TBCD: variants seen among roughly 807,000 people sequenced by gnomAD.
The protein encoded by TBCD is tubulin folding cofactor D.
TBCD carries 105 observed loss-of-function variants against 169.3 expected under a neutral mutation model. The ratio of observed to expected loss-of-function variants is 0.62; its 90% CI spans 0.53 to 0.73. The LOEUF (loss-of-function observed/expected upper bound fraction) is 0.73. TBCD is among the 30% of genes least tolerant of loss of function. TBCD has a pLI of 0.00. For missense variants in TBCD, 1,444 were observed against 1,600.1 expected (o/e 0.90, Z 1.66); for synonymous variants, 700 against 643.9 (o/e 1.09, Z -1.32).
chr17:82,878,619 C>T (rs956041435), intron 14 of TBCD, among the ~76,000 whole-genome samples: 6 of 152,234 alleles, frequency 3.9e-5, no homozygotes, highest in African/African-American at 1.4e-4. Flanking sequence ...GACCTTGATC[C>T]CTGGTCAAGA....
At chr17:82,899,234 C>T (rs572593185) in intron 17 of TBCD, among the ~76,000 whole-genome samples, 11 of 148,632 alleles carry the variant, frequency 7.4e-5, no homozygotes, top group African/African-American at 2.8e-4. Context: ...GTCCTCAGCG[C>T]ATGTCCTCAG....
chr17:82,874,358 C>T lies in TBCD; in HGVS notation c.1475+3978C>T, dbSNP rs2057814432. ...CGGCATGTGGCGGGGCCAGCGTTGG[C>T]CTGGGTCCCACTTGGCTTTGATCTC... is the stretch of plus-strand genomic sequence containing the variant. On this transcript the variant is annotated intron_variant, in intron 14 of 38. Transcript: ENST00000355528. The surrounding 1 kb of genome is among the most constrained non-coding windows in gnomAD (Gnocchi z 5.0). Among the ~76,000 whole-genome samples, 1 of 151,968 alleles carries T rather than the reference C, an allele frequency of 6.6e-6. No individual in the cohort carries two copies. Among genetic ancestry groups the T allele is most frequent in the Admixed American group, 6.6e-5 (1 of 15,260 alleles).
chr17:82,796,504 G>A (rs1299271143), intron 7 of TBCD, among the ~76,000 whole-genome samples: 3 of 152,356 alleles, frequency 2.0e-5, no homozygotes, highest in East Asian at 3.9e-4. Flanking sequence ...TCACCTTGGT[G>A]AATGTGTTAT....
chr17:82,797,352 G>A (rs981797998), intron 7 of TBCD, among the ~76,000 whole-genome samples: 5 of 152,188 alleles, frequency 3.3e-5, no homozygotes, highest in Non-Finnish European at 7.3e-5. Flanking sequence ...TTTGTGTGAG[G>A]TGGTTTGGCC....
At chr17:82,837,569 GTC>G (rs1184951292) in intron 13 of TBCD, among the ~76,000 whole-genome samples, 1 of 152,178 alleles carries the variant, frequency 6.6e-6, no homozygotes, top group Non-Finnish European at 1.5e-5. Context: ...ATAAAGCAGA[GTC>G]TCATTCATTA....
At chr17:82,761,459 G>A (rs766089522) in intron 2 of TBCD, among the ~76,000 whole-genome samples, 5 of 152,006 alleles carry the variant, frequency 3.3e-5, no homozygotes, top group South Asian at 2.1e-4. Context: ...TATACACCCC[G>A]CGCTATCAAG....
intron 1 of TBCD, among the ~76,000 whole-genome samples, chr17:82,755,835 C>T (rs1598365856): frequency 6.6e-6 from 1 of 152,202 alleles, no homozygotes; most frequent in African/African-American, 2.4e-5. Context: ...TAACGGCTGG[C>T]AGAGGCAGGA....
At chr17:82,921,616 G>C (rs76483328) in intron 25 of TBCD, 39 bp downstream of exon 25, 1 of 1,591,538 alleles carries the variant, frequency 6.3e-7, no homozygotes, top group Non-Finnish European at 8.6e-7. Context: ...GCGCTGTGGC[G>C]GTGTTAGTGT....
In TBCD at chr17:82,879,712, C is replaced by T. The variant is rs577460101; in HGVS notation, c.1476-4433C>T. 5.3e-5 allele frequency among the ~76,000 whole-genome samples: 8 copies of T among 152,360 alleles called. No homozygotes were observed. In the East Asian group the frequency reaches 1.5e-3, roughly 29 times the overall value. On this transcript the variant is annotated intron_variant, in intron 14 of 38. Transcript: ENST00000355528. ...TCAAGCACCAAACAGGACAGTCCGT[C>T]TCCCCCAAAAACTCCCCAGTCTGCT...
chr17:82,928,642 C>G (rs1469370831), intron 30 of TBCD, among the ~76,000 whole-genome samples: 1 of 152,168 alleles, frequency 6.6e-6, no homozygotes, highest in Non-Finnish European at 1.5e-5. Context: ...GTCTCTCTGT[C>G]AGGGACACTC....
At chr17:82,938,447 C>T (rs2062818761) in intron 36 of TBCD, among the ~76,000 whole-genome samples, 2 of 152,190 alleles carry the variant, frequency 1.3e-5, no homozygotes, top group South Asian at 2.1e-4. Flanking sequence ...CACCTAGGGG[C>T]AGTGCCCTTC....
intron 7 of TBCD, among the ~76,000 whole-genome samples, chr17:82,786,691 G>A (rs369712681): frequency 4.6e-5 from 7 of 152,192 alleles, no homozygotes; most frequent in African/African-American, 1.4e-4. Flanking sequence ...GGGCCACTGC[G>A]TTCAGGCTGC....
chr17:82,840,795 G>A (rs1486656326), intron 13 of TBCD, among the ~76,000 whole-genome samples: 1 of 152,048 alleles, frequency 6.6e-6, no homozygotes, highest in Non-Finnish European at 1.5e-5. Flanking sequence ...ATCGGAGGCC[G>A]CACCCCAGTT....
intron 13 of TBCD, among the ~76,000 whole-genome samples, chr17:82,867,724 C>T (rs1389158466): frequency 2.6e-5 from 4 of 152,188 alleles, no homozygotes; most frequent in Admixed American, 6.5e-5. Context: ...TGTTTGGTTT[C>T]GCGTCTCACA....
intron 22 of TBCD, among the ~76,000 whole-genome samples, chr17:82,909,937 G>A (rs936482103): frequency 1.5e-4 from 23 of 152,296 alleles, no homozygotes; most frequent in Middle Eastern, 3.4e-3. Context: ...ATTTGCTACC[G>A]AGGGTGTCAC....
chr17:82,830,707 G>A lies in TBCD; in HGVS notation c.1318+15773G>A, dbSNP rs751989131. ...TGAGAAGCTGGCGGTTTCCGCCTGG[G>A]GGCTGCCTTGGTACGTGGGTTCGTG... On this transcript the variant is annotated intron_variant, in intron 13 of 38. Transcript: ENST00000355528. 9 of 1,614,116 alleles carry A rather than the reference G, an allele frequency of 5.6e-6. No individual in the cohort carries two copies. Among genetic ancestry groups the A allele is most frequent in the South Asian group, 3.3e-5 (3 of 91,076 alleles).
At chr17:82,892,424 C>T (rs1269564720) in intron 16 of TBCD, among the ~76,000 whole-genome samples, 1 of 152,120 alleles carries the variant, frequency 6.6e-6, no homozygotes, top group Non-Finnish European at 1.5e-5. Context: ...TTGCAGCAGC[C>T]TCAGGCAGAA....
At position 82,927,994 on chromosome 17, in the gene TBCD, T is replaced by C; in HGVS notation, c.2693+6T>C. 6.2e-7 allele frequency: 1 copy of C among 1,608,080 alleles called. No homozygotes were observed. The highest frequency in any genetic ancestry group is 8.5e-7 in the Non-Finnish European group (1 of 1,178,632). ...GAGCTGATCGAGGCCCATACGTGAGTGTCACGTCGCAGCTCTTCTGCATCC... is the reference window on the plus strand; with the variant it reads ...GAGCTGATCGAGGCCCATACGTGAGCGTCACGTCGCAGCTCTTCTGCATCC... On this transcript the variant is annotated splice_donor_region_variant and intron_variant, in intron 30 of 38. Coordinates refer to ENST00000355528, the MANE Select transcript of TBCD (RefSeq NM_005993.5).
At chr17:82,896,764 T>G (rs2059514720) in intron 17 of TBCD, among the ~76,000 whole-genome samples, 1 of 152,158 alleles carries the variant, frequency 6.6e-6, no homozygotes, top group Admixed American at 6.5e-5. Context: ...ACACCCTGCC[T>G]GTAGCTTTTT....
Sources: gnomAD v4.1 joint callset for allele counts (sites outside exome capture counted in the v4.1 genomes callset) on GRCh38, gnomAD v4.1.1 for gene constraint, Gnocchi (gnomAD v3.1) non-coding constraint, MANE v1.5 for transcripts, NCBI Gene and HGNC (gene_info 2026-07-23, HGNC 2026-07-21) for gene names.